The following TEX36 variants were observed in gnomAD, a reference collection of about 807,000 sequenced individuals.
The protein encoded by TEX36 is testis-expressed protein 36.
In TEX36, 12 loss-of-function variants were observed where a neutral mutation model predicts 13.6. That is an observed-to-expected ratio of 0.88 (90% confidence interval 0.56 to 1.43). The LOEUF (loss-of-function observed/expected upper bound fraction) is 1.43. TEX36 is among the 40% of genes most tolerant of loss of function. The pLI is 0.00. For missense variants in TEX36, 224 were observed against 228.3 expected, an observed-to-expected ratio of 0.98 and a Z score of 0.12; for synonymous variants, 93 against 83.0, an observed-to-expected ratio of 1.12 and a Z score of -0.65.
intron 1 of TEX36, chr10:125,667,468 G>A: frequency 1.4e-6 from 1 of 716,828 alleles, no homozygotes; most frequent in Non-Finnish European, 2.6e-6. Context: ...TGACGGCAAG[G>A]GCTGAGGGGG....
At chr10:125,588,740 G>T (rs532802422) in intron 3 of TEX36, among the ~76,000 whole-genome samples, 1 of 152,176 alleles carries the variant, frequency 6.6e-6, no homozygotes, top group African/African-American at 2.4e-5. Flanking sequence ...TCAGCCTCCC[G>T]AGTAGCTGGG....
chr10:125,647,063 T>A (rs111389820), intron 3 of TEX36, among the ~76,000 whole-genome samples: 1 of 152,220 alleles, frequency 6.6e-6, no homozygotes, highest in Admixed American at 6.5e-5. Flanking sequence ...TAATACCTCA[T>A]AACAAATAGA....
chr10:125,579,813 G>T (rs1474904758), intron 3 of TEX36, among the ~76,000 whole-genome samples: 2 of 151,986 alleles, frequency 1.3e-5, no homozygotes, highest in East Asian at 3.9e-4. Flanking sequence ...ATTCCACCAT[G>T]ATTGTAAGTT....
chr10:125,606,876 G>A (rs1846221893), intron 3 of TEX36, among the ~76,000 whole-genome samples: 1 of 152,170 alleles, frequency 6.6e-6, no homozygotes, highest in South Asian at 2.1e-4. Context: ...TCTCAGATGT[G>A]CTATACGTAT....
At chr10:125,626,287 G>A (rs297246) in intron 3 of TEX36, among the ~76,000 whole-genome samples, 33,707 of 151,940 alleles carry the variant, frequency 0.22, 5,935 homozygotes, top group African/African-American at 0.48. Context: ...TGCAACAGTC[G>A]GCTCCCCATT....
chr10:125,594,244 A>G (rs968835155), intron 3 of TEX36, among the ~76,000 whole-genome samples: 3 of 152,234 alleles, frequency 2.0e-5, no homozygotes, highest in Non-Finnish European at 4.4e-5. Flanking sequence ...GCAATGGACA[A>G]TTTGCTAGAT....
At chr10:125,670,809 GCCAGTTCTCC>G (rs1369964308) in intron 1 of TEX36, among the ~76,000 whole-genome samples, 3 of 152,060 alleles carry the variant, frequency 2.0e-5, no homozygotes, top group Non-Finnish European at 4.4e-5. Flanking sequence ...CATATTACTA[GCCAGTTCTCC>G]CAGCACCATT....
chr10:125,616,260 T>G (rs1045970025), intron 3 of TEX36, among the ~76,000 whole-genome samples: 1 of 152,076 alleles, frequency 6.6e-6, no homozygotes, highest in African/African-American at 2.4e-5. Flanking sequence ...ATTTTTTGAA[T>G]GGTTTTTTTG....
intron 3 of TEX36, among the ~76,000 whole-genome samples, chr10:125,609,159 AAAAACAAAAC>A (rs557932591): frequency 4.7e-4 from 55 of 115,962 alleles, no homozygotes; most frequent in African/African-American, 1.3e-3. Context: ...CATCTCAGGA[AAAAACAAAAC>A]AAAAAAAAAA....
At chr10:125,673,734 G>C (rs9422799) in intron 1 of TEX36, among the ~76,000 whole-genome samples, 2 of 138,896 alleles carry the variant, frequency 1.4e-5, no homozygotes, top group East Asian at 4.2e-4. Flanking sequence ...AAAAAAAAAA[G>C]GTTGAATATT....
intron 3 of TEX36, 54 bp from the exon 4 acceptor site, chr10:125,656,250 T>TA (rs1846941095): frequency 1.1e-5 from 3 of 270,830 alleles, no homozygotes; most frequent in Non-Finnish European, 1.2e-5. Flanking sequence ...CACATAGTTC[T>TA]TTTTTTTTTT....
At chr10:125,615,144 C>T (rs1004152534) in intron 3 of TEX36, among the ~76,000 whole-genome samples, 1 of 152,252 alleles carries the variant, frequency 6.6e-6, no homozygotes, top group South Asian at 2.1e-4. Flanking sequence ...TATCCTGAGA[C>T]TTTGCTGAAG....
intron 3 of TEX36, among the ~76,000 whole-genome samples, chr10:125,600,505 C>A (rs142076927): frequency 4.1e-4 from 63 of 152,292 alleles, no homozygotes; most frequent in African/African-American, 1.5e-3. Flanking sequence ...TCCTTTACTT[C>A]AGCTAATGTG....
At chr10:125,599,688 A>C (rs1589748339) in intron 3 of TEX36, among the ~76,000 whole-genome samples, 1 of 152,168 alleles carries the variant, frequency 6.6e-6, no homozygotes, top group East Asian at 1.9e-4. Context: ...CTGGCAAAAA[A>C]ATCTGTGATG....
At chr10:125,580,457 T>A (rs1845869539) in intron 3 of TEX36, among the ~76,000 whole-genome samples, 1 of 152,202 alleles carries the variant, frequency 6.6e-6, no homozygotes, top group Admixed American at 6.5e-5. Context: ...TAGACAGGGC[T>A]ATGAGATTTA....
chr10:125,656,984 C>G (rs1846955877), intron 3 of TEX36, among the ~76,000 whole-genome samples: 2 of 152,090 alleles, frequency 1.3e-5, no homozygotes, highest in South Asian at 4.2e-4. Context: ...AAGGACCCAG[C>G]ACCTTTAGGT....
chr10:125,676,645 T>C lies in TEX36; in HGVS notation c.51+6294A>G, dbSNP rs573461410. Among the ~76,000 whole-genome samples, 6 of 152,334 alleles carry C rather than the reference T, an allele frequency of 3.9e-5. No homozygotes were observed. The East Asian group carries it at 1.2e-3, about 29-fold the overall frequency. On this transcript the variant is annotated intron_variant, in intron 1 of 3. Coordinates refer to ENST00000368821, the MANE Select transcript of TEX36 (RefSeq NM_001128202.3). Reference sequence around the variant, plus strand: ...GTTATTATTGATATGTGAGGCTTTGTTCCTATCATGTTATTAAATTGTTTT... The same window carrying C: ...GTTATTATTGATATGTGAGGCTTTGCTCCTATCATGTTATTAAATTGTTTT...
At chr10:125,609,572 G>A (rs534134451) in intron 3 of TEX36, among the ~76,000 whole-genome samples, 53 of 152,186 alleles carry the variant, frequency 3.5e-4, no homozygotes, top group African/African-American at 1.2e-3. Flanking sequence ...TAATTCCTAC[G>A]GCAACTTTGG....
At chr10:125,601,682 T>C (rs1846148796) in intron 3 of TEX36, among the ~76,000 whole-genome samples, 1 of 152,224 alleles carries the variant, frequency 6.6e-6, no homozygotes, top group Admixed American at 6.5e-5. Context: ...CAACTGGGGA[T>C]CCAGGGCCCC....
Sources: allele counts gnomAD v4.1 joint callset (sites outside exome capture counted in the v4.1 genomes callset), GRCh38; gene constraint gnomAD v4.1.1; transcripts MANE v1.5; gene names NCBI Gene and HGNC (gene_info 2026-07-23, HGNC 2026-07-21).